Variants in SLC14A2 observed in about 807,000 individuals in gnomAD.
SLC14A2 encodes solute carrier family 14 member 2.
Under a neutral mutation model 104.6 loss-of-function variants are expected in SLC14A2, and 91 were observed. That is an observed-to-expected ratio of 0.87 (90% CI 0.73 to 1.04). The LOEUF (loss-of-function observed/expected upper bound fraction) is 1.04. Among genes scored for constraint, SLC14A2 ranks in the 50% least tolerant of loss-of-function variants. The pLI is 0.00. For synonymous variants in SLC14A2, 476 were observed against 466.4 expected (o/e 1.02, Z -0.27); for missense variants, 1,189 against 1,156.0 (o/e 1.03, Z -0.41).
At position 45,441,958 on chromosome 18, in the gene SLC14A2, C is replaced by T. The variant is rs2086688677; in HGVS notation, c.-124-41275C>T. ...CATGAAAAAAGTAGACAACAGACCC[C>T]GGAGTGCTATTAGTGATGGGAGTGT... On this transcript the variant is annotated intron_variant, in intron 1 of 20. Transcript: ENST00000586448. Among the ~76,000 whole-genome samples, 3 of 152,140 alleles carry T rather than the reference C, an allele frequency of 2.0e-5. No homozygotes were observed. In the South Asian group the frequency reaches 6.2e-4, roughly 32 times the overall value.
At chr18:45,582,739 G>A (rs2044512135) in intron 2 of SLC14A2, among the ~76,000 whole-genome samples, 1 of 152,092 alleles carries the variant, frequency 6.6e-6, no homozygotes. Flanking sequence ...TACTCCTGCT[G>A]GCTCTTCCCT....
intron 2 of SLC14A2, among the ~76,000 whole-genome samples, chr18:45,504,230 G>A (rs541468916): frequency 1.3e-5 from 2 of 152,264 alleles, no homozygotes; most frequent in South Asian, 4.2e-4. Flanking sequence ...ATACTTTGAG[G>A]CAGCTGGAAA....
intron 1 of SLC14A2, among the ~76,000 whole-genome samples, chr18:45,224,744 G>A (rs2084097115): frequency 6.6e-6 from 1 of 152,184 alleles, no homozygotes; most frequent in Non-Finnish European, 1.5e-5. Flanking sequence ...TAGTTAGCTT[G>A]TCCAAGTTCA....
At chr18:45,452,527 A>C (rs140393221) in intron 1 of SLC14A2, among the ~76,000 whole-genome samples, 1 of 152,368 alleles carries the variant, frequency 6.6e-6, no homozygotes, top group Non-Finnish European at 1.5e-5. Flanking sequence ...GCAACAAAGA[A>C]GGACTCTAAC....
chr18:45,563,355 C>T, intron 2 of SLC14A2, among the ~76,000 whole-genome samples: 1 of 152,184 alleles, frequency 6.6e-6, no homozygotes. Flanking sequence ...AAGGGCAGAC[C>T]AGTGTTGTGG....
chr18:45,279,284 C>T (rs2084736917), intron 1 of SLC14A2, among the ~76,000 whole-genome samples: 1 of 152,192 alleles, frequency 6.6e-6, no homozygotes. Flanking sequence ...ACAATATTTT[C>T]TAGCAAAAAC....
intron 1 of SLC14A2, among the ~76,000 whole-genome samples, chr18:45,386,461 G>A (rs546353460): frequency 2.0e-5 from 3 of 152,220 alleles, no homozygotes; most frequent in Admixed American, 6.5e-5. Flanking sequence ...GAAGGCACAC[G>A]GCGCCCCCTA....
chr18:45,201,518 A>G, the SLC14A2 span, among the ~76,000 whole-genome samples: 1 of 151,148 alleles, frequency 6.6e-6, no homozygotes, highest in African/African-American at 2.4e-5. Context: ...TGTTCCTTTG[A>G]CATATCTAAC....
chr18:45,476,246 T>A (rs1316120436), intron 1 of SLC14A2, among the ~76,000 whole-genome samples: 25 of 152,172 alleles, frequency 1.6e-4, no homozygotes. Context: ...TGAAGATTAG[T>A]TTGGCTGGAT....
intron 5 of SLC14A2, 26 bp from the exon 6 acceptor site, chr18:45,636,964 T>C: frequency 1.3e-6 from 2 of 1,597,692 alleles, no homozygotes; most frequent in Middle Eastern, 3.6e-4. Context: ...TCACAGGGAT[T>C]AACCCTCTGT....
At chr18:45,367,691 G>T (rs1403068402) in intron 1 of SLC14A2, among the ~76,000 whole-genome samples, 1 of 152,124 alleles carries the variant, frequency 6.6e-6, no homozygotes, top group Non-Finnish European at 1.5e-5. Context: ...CTTAATATTG[G>T]CCATGATTCA....
At chr18:45,396,577 C>A (rs12965285) in intron 1 of SLC14A2, among the ~76,000 whole-genome samples, 82,777 of 150,428 alleles carry the variant, frequency 0.55, 23,025 homozygotes, top group Admixed American at 0.62. Flanking sequence ...TAGAGGTATT[C>A]GAGTGTGAAA....
At chr18:45,563,445 C>A (rs983221527) in intron 2 of SLC14A2, among the ~76,000 whole-genome samples, 1 of 152,158 alleles carries the variant, frequency 6.6e-6, no homozygotes, top group Admixed American at 6.5e-5. Flanking sequence ...AAATTACATT[C>A]GAAAGTATAA....
At chr18:45,499,820 G>T (rs1313072082) in intron 2 of SLC14A2, among the ~76,000 whole-genome samples, 1 of 152,180 alleles carries the variant, frequency 6.6e-6, no homozygotes, top group Non-Finnish European at 1.5e-5. Flanking sequence ...ACCTCATAGA[G>T]CTAGTCTGAG....
At chr18:45,196,160 T>A in the SLC14A2 span, among the ~76,000 whole-genome samples, 2 of 152,228 alleles carry the variant, frequency 1.3e-5, no homozygotes, top group African/African-American at 4.8e-5. Flanking sequence ...AGTTTACAGT[T>A]TGTTTACACT....
At chr18:45,272,903 A>AT (rs1002746199) in intron 1 of SLC14A2, among the ~76,000 whole-genome samples, 10 of 152,140 alleles carry the variant, frequency 6.6e-5, no homozygotes, top group African/African-American at 2.2e-4. Context: ...ACACACAAAA[A>AT]TTTTTTTAAA....
the SLC14A2 span, chr18:45,168,608 C>T: frequency 3.3e-5 from 5 of 152,176 alleles, no homozygotes; most frequent in Non-Finnish European, 5.9e-5. Context: ...AATTTACGTA[C>T]ATGAGCCTTT....
At chr18:45,463,683 T>C (rs1333048691) in intron 1 of SLC14A2, among the ~76,000 whole-genome samples, 1 of 152,200 alleles carries the variant, frequency 6.6e-6, no homozygotes, top group Non-Finnish European at 1.5e-5. Flanking sequence ...AGTACCACAG[T>C]GCACAGAGGT....
intron 1 of SLC14A2, among the ~76,000 whole-genome samples, chr18:45,424,859 A>G (rs904759665): frequency 9.2e-5 from 14 of 152,188 alleles, no homozygotes; most frequent in African/African-American, 3.4e-4. Flanking sequence ...AGAAATTTTT[A>G]CTTGTAAAGT....
Sources: gnomAD v4.1 joint callset for allele counts (sites outside exome capture counted in the v4.1 genomes callset) on GRCh38, gnomAD v4.1.1 for gene constraint, MANE v1.5 for transcripts, NCBI Gene and HGNC (gene_info 2026-07-23, HGNC 2026-07-21) for gene names.